The following PTK2B variants were observed in gnomAD, a reference collection of about 807,000 sequenced individuals.
The protein encoded by PTK2B is protein-tyrosine kinase 2-beta.
A neutral mutation model predicts 142.9 loss-of-function variants in PTK2B; 71 were observed. The ratio of observed to expected loss-of-function variants is 0.50; its 90% CI spans 0.41 to 0.61. The LOEUF (loss-of-function observed/expected upper bound fraction) is 0.61, where lower values mean the gene tolerates loss of function less well. Among genes scored for constraint, PTK2B ranks in the 20% least tolerant of loss-of-function variants. The pLI, the probability that PTK2B is intolerant of heterozygous loss-of-function variation, is 0.00. For synonymous variants in PTK2B, 519 were observed against 503.4 expected, an observed-to-expected ratio of 1.03 and a Z score of -0.42; for missense variants, 1,105 against 1,320.4, an observed-to-expected ratio of 0.84 and a Z score of 2.53.
At chr8:27,431,074 G>T (rs958346182) in intron 8 of PTK2B, 58 bp downstream of exon 8, 2 of 1,576,022 alleles carry the variant, frequency 1.3e-6, no homozygotes, top group Non-Finnish European at 8.6e-7. Flanking sequence ...TCTCGGAAAA[G>T]GGGGCCAGGA....
Position 27,437,109 on chromosome 8 carries a change from A to C in PTK2B, c.1342-13A>C. 6.2e-7 allele frequency: 1 copy of C among 1,611,002 alleles called. No homozygotes were observed. The highest frequency in any genetic ancestry group is 2.2e-5 in the East Asian group (1 of 44,840). On this transcript the variant is annotated splice_polypyrimidine_tract_variant and intron_variant, in intron 15 of 30. Transcript: ENST00000346049. ...GGCTGGACCAAGGGGTCCTGAACAC[A>C]CTCTTGTTACAGAAAGGGGAGAAAA...
upstream of PTK2B, among the ~76,000 whole-genome samples, chr8:27,320,980 CTTTTTTTTTTTTTTTT>C (rs776395346): frequency 6.6e-4 from 26 of 39,398 alleles, no homozygotes; most frequent in African/African-American, 2.4e-3. Context: ...ATACAAAAGG[CTTTTTTTTTTTTTTTT>C]TTTTTTTTTT....
chr8:27,351,040 T>TATATATATAC (rs1563211405), intron 1 of PTK2B, among the ~76,000 whole-genome samples: 2 of 97,956 alleles, frequency 2.0e-5, no homozygotes, highest in African/African-American at 9.4e-5. Context: ...TATATATATA[T>TATATATATAC]ACGTGCTTGG....
At chr8:27,314,194 T>G (rs1290277533) in intron 3 of PTK2B, among the ~76,000 whole-genome samples, 1 of 152,254 alleles carries the variant, frequency 6.6e-6, no homozygotes, top group Non-Finnish European at 1.5e-5. Flanking sequence ...CTACTCATAC[T>G]TTGCTGAACC....
intron 1 of PTK2B, among the ~76,000 whole-genome samples, chr8:27,346,767 G>T (rs75889330): frequency 2.6e-5 from 4 of 152,224 alleles, no homozygotes; most frequent in Non-Finnish European, 5.9e-5. Flanking sequence ...TTGAGCACCT[G>T]TTGGGAATGT....
At chr8:27,423,016 G>A (rs1168038429) in intron 5 of PTK2B, among the ~76,000 whole-genome samples, 1 of 152,180 alleles carries the variant, frequency 6.6e-6, no homozygotes, top group Non-Finnish European at 1.5e-5. Context: ...ACAGGGGTCA[G>A]GGGAGATACA....
At chr8:27,391,642 G>A (rs1421150687) in intron 1 of PTK2B, among the ~76,000 whole-genome samples, 2 of 152,210 alleles carry the variant, frequency 1.3e-5, no homozygotes, top group Admixed American at 1.3e-4. Flanking sequence ...ATCTGGAGGG[G>A]ACGTAAATGC....
At chr8:27,431,594 C>T in intron 9 of PTK2B, 122 bp downstream of exon 9, 1 of 1,311,182 alleles carries the variant, frequency 7.6e-7, no homozygotes. Context: ...CAGAGTTCTT[C>T]TAAGGCCATG....
At chr8:27,449,470 G>A (rs1373727400) in intron 24 of PTK2B, among the ~76,000 whole-genome samples, 3 of 152,194 alleles carry the variant, frequency 2.0e-5, no homozygotes, top group Non-Finnish European at 2.9e-5. Flanking sequence ...AAGAGGCTTG[G>A]TAGGAATTAT....
chr8:27,428,524 T>G (rs1810220587), intron 5 of PTK2B, among the ~76,000 whole-genome samples: 1 of 152,196 alleles, frequency 6.6e-6, no homozygotes, highest in African/African-American at 2.4e-5. Flanking sequence ...GTGTTCTAAG[T>G]TCTCTTCTTG....
chr8:27,346,257 C>T (rs963283581), intron 1 of PTK2B, among the ~76,000 whole-genome samples: 11 of 152,302 alleles, frequency 7.2e-5, no homozygotes, highest in South Asian at 6.2e-4. Context: ...GCTTTCTTTG[C>T]GGGGTGCTGT....
Position 27,363,853 on chromosome 8 carries a change from C to T in PTK2B, c.-37-33695C>T, listed in dbSNP as rs1805859904. Reference sequence around the variant, plus strand: ...CTTCACCCACCCCCAGTCCTGTGGGCCACGATTACTCTCCCACGTGCTGGA... The same window carrying T: ...CTTCACCCACCCCCAGTCCTGTGGGTCACGATTACTCTCCCACGTGCTGGA... On this transcript the variant is annotated intron_variant, in intron 1 of 30. Coordinates refer to ENST00000346049, the MANE Select transcript of PTK2B (RefSeq NM_173176.3). This position sits in a 1 kb window ranked among gnomAD's most constrained non-coding sequence, Gnocchi z 4.3. 6.6e-6 allele frequency among the ~76,000 whole-genome samples: 1 copy of T among 152,184 alleles called. No individual in the cohort carries two copies. The highest frequency in any genetic ancestry group is 1.5e-5 in the Non-Finnish European group (1 of 68,018).
chr8:27,397,482 T>A, intron 1 of PTK2B, 66 bp from the exon 2 acceptor site: 4 of 1,265,348 alleles, frequency 3.2e-6, no homozygotes, highest in Non-Finnish European at 4.6e-6. Context: ...GTGCTGTCCC[T>A]GGGGCCATGA....
chr8:27,334,094 TC>T (rs1803918539), intron 1 of PTK2B, among the ~76,000 whole-genome samples: 1 of 152,158 alleles, frequency 6.6e-6, no homozygotes, highest in African/African-American at 2.4e-5. Flanking sequence ...ATCTTGCCCA[TC>T]ACTCAATCCT....
At chr8:27,311,555 T>A (rs1415979397) in exon 1 of PTK2B, 1 of 404,174 alleles carries the variant, frequency 2.5e-6, no homozygotes, top group South Asian at 5.0e-5. Context: ...GGCGGCGTAG[T>A]AGGGCTTCCG....
At chr8:27,337,342 G>A (rs566681035) in intron 1 of PTK2B, among the ~76,000 whole-genome samples, 2 of 152,144 alleles carry the variant, frequency 1.3e-5, no homozygotes, top group South Asian at 2.1e-4. Context: ...TCACCATGTC[G>A]GCCAGGCTAG....
chr8:27,451,828 C>G, intron 27 of PTK2B: 1 of 1,168,586 alleles, frequency 8.6e-7, no homozygotes, highest in Non-Finnish European at 1.1e-6. Flanking sequence ...CTGTTGGAAG[C>G]TCCCGTGGGA....
At chr8:27,437,291 T>C in intron 16 of PTK2B, 85 bp downstream of exon 16, 1 of 1,545,858 alleles carries the variant, frequency 6.5e-7, no homozygotes, top group Admixed American at 1.7e-5. Context: ...CAGGGACCCA[T>C]GTTGGAGGAG....
intron 24 of PTK2B, among the ~76,000 whole-genome samples, chr8:27,447,037 C>A (rs1368652133): frequency 6.6e-6 from 1 of 152,180 alleles, no homozygotes; most frequent in Non-Finnish European, 1.5e-5. Context: ...CTGCCTTTGA[C>A]TCTCTATTCA....
Sources: gnomAD v4.1 joint callset for allele counts (sites outside exome capture counted in the v4.1 genomes callset) on GRCh38, gnomAD v4.1.1 for gene constraint, Gnocchi (gnomAD v3.1) non-coding constraint, MANE v1.5 for transcripts, NCBI Gene and HGNC (gene_info 2026-07-23, HGNC 2026-07-21) for gene names.